CEP112: variants seen among roughly 807,000 people sequenced by gnomAD.
CEP112 encodes centrosomal protein 112, also known as centrosomal protein of 112 kDa.
CEP112 carries 127 observed loss-of-function variants against 153.0 expected under a neutral mutation model. The observed-to-expected ratio is 0.83, with a 90% confidence interval of 0.72 to 0.96. The LOEUF (loss-of-function observed/expected upper bound fraction) is 0.96. Ranked by LOEUF, CEP112 falls within the 40% of genes least tolerant of loss-of-function variation. The probability of loss-of-function intolerance (pLI) is 0.00; values close to 1 mark genes in which losing one functional copy is unlikely to be tolerated. For missense variants in CEP112, 1,089 were observed against 1,101.2 expected (o/e 0.99, Z 0.16); for synonymous variants, 358 against 374.4 (o/e 0.96, Z 0.51).
chr17:65,996,189 G>A (rs2063785921), intron 17 of CEP112, among the ~76,000 whole-genome samples: 1 of 150,574 alleles, frequency 6.6e-6, no homozygotes, highest in Admixed American at 6.6e-5. Context: ...TTAAATTCCA[G>A]TGTTTCAAAG....
chr17:66,113,293 A>G (rs1442276411), intron 6 of CEP112, among the ~76,000 whole-genome samples: 1 of 152,138 alleles, frequency 6.6e-6, no homozygotes, highest in African/African-American at 2.4e-5. Context: ...TATTTTTGGA[A>G]TGTTGCAGGG....
At chr17:66,062,034 G>C (rs1274812652) in intron 11 of CEP112, among the ~76,000 whole-genome samples, 2 of 152,112 alleles carry the variant, frequency 1.3e-5, no homozygotes, top group African/African-American at 4.8e-5. Context: ...AGTTCCTCCT[G>C]TGTTCATTCT....
At chr17:65,781,831 C>A (rs7224482) in intron 21 of CEP112, among the ~76,000 whole-genome samples, 80,335 of 151,974 alleles carry the variant, frequency 0.53, 23,070 homozygotes, top group Non-Finnish European at 0.66. Context: ...AAATGGATCC[C>A]TTTTACCATA....
chr17:65,925,779 C>A (rs1024729565), intron 19 of CEP112, among the ~76,000 whole-genome samples: 7 of 151,744 alleles, frequency 4.6e-5, no homozygotes, highest in Non-Finnish European at 1.0e-4. Flanking sequence ...TAGAAGACAG[C>A]AAATGCTCAA....
rs184134236 is a variant in CEP112 at position 66,083,853 on chromosome 17, A to G, written c.768+12398T>C. Among the ~76,000 whole-genome samples the G allele has an allele frequency of 5.0e-3, 756 of 152,312 alleles. 8 individuals are homozygous for G. Among genetic ancestry groups the G allele is most frequent in the African/African-American group, 0.017 (722 of 41,562 alleles). On this transcript the variant is annotated intron_variant, in intron 8 of 26. Coordinates refer to ENST00000535342, the MANE Select transcript of CEP112 (RefSeq NM_001199165.4). ...AGCCTGGGTGACTGAGCGAGACTCCATGTCCAAAGACAAAACAACAAAAAA... is the reference window on the plus strand; with the variant it reads ...AGCCTGGGTGACTGAGCGAGACTCCGTGTCCAAAGACAAAACAACAAAAAA...
Position 65,653,694 on chromosome 17 carries a change from G to C in CEP112, c.2698-12629C>G, listed in dbSNP as rs559543041. Among the ~76,000 whole-genome samples the C allele has an allele frequency of 2.0e-5, 3 of 152,320 alleles. No individual in the cohort carries two copies. The East Asian group carries it at 5.8e-4, about 29-fold the overall frequency. ...AAACAGGAATGTGGAGGATGTTTCT[G>C]AGGGATGGGCCTTTATGCAGCCAAA... On this transcript the variant is annotated intron_variant, in intron 24 of 26. Transcript: ENST00000535342.
chr17:66,024,926 T>C (rs1011143015), intron 16 of CEP112, among the ~76,000 whole-genome samples: 2 of 152,084 alleles, frequency 1.3e-5, no homozygotes, highest in Non-Finnish European at 2.9e-5. Context: ...TAAAACAGCA[T>C]GGAACTGGCA....
At chr17:66,037,862 A>G (rs2065802470) in intron 12 of CEP112, among the ~76,000 whole-genome samples, 1 of 152,134 alleles carries the variant, frequency 6.6e-6, no homozygotes, top group Non-Finnish European at 1.5e-5. Flanking sequence ...AATTCTTCAG[A>G]AAATAACTCA....
At chr17:65,776,930 A>G (rs2053713460) in intron 21 of CEP112, among the ~76,000 whole-genome samples, 1 of 152,206 alleles carries the variant, frequency 6.6e-6, no homozygotes, top group Non-Finnish European at 1.5e-5. Flanking sequence ...ATAGTTTCTT[A>G]TTTTAATTTG....
chr17:65,934,978 A>G (rs1306221588), intron 18 of CEP112, among the ~76,000 whole-genome samples: 2 of 152,224 alleles, frequency 1.3e-5, no homozygotes, highest in African/African-American at 4.8e-5. Flanking sequence ...TTATAAAACC[A>G]TCAGCTCTCA....
chr17:65,983,305 A>G (rs1225987046), intron 17 of CEP112, among the ~76,000 whole-genome samples: 4 of 152,230 alleles, frequency 2.6e-5, no homozygotes, highest in Non-Finnish European at 5.9e-5. Context: ...GGGGCCAACT[A>G]ACAAAAATGA....
intron 24 of CEP112, among the ~76,000 whole-genome samples, chr17:65,679,171 T>C (rs1054221716): frequency 7.8e-4 from 82 of 105,272 alleles, no homozygotes; most frequent in Middle Eastern, 5.3e-3. Context: ...TTTTTTTTTT[T>C]CAGAAAACAG....
intron 4 of CEP112, among the ~76,000 whole-genome samples, chr17:66,133,027 A>C (rs1164773933): frequency 6.6e-6 from 1 of 152,030 alleles, no homozygotes; most frequent in Non-Finnish European, 1.5e-5. Flanking sequence ...AGACAGTGCG[A>C]GACTCATCTC....
intron 24 of CEP112, among the ~76,000 whole-genome samples, chr17:65,665,867 G>GT (rs1254085001): frequency 6.6e-6 from 1 of 152,142 alleles, no homozygotes; most frequent in Non-Finnish European, 1.5e-5. Context: ...GGCCCCAGCA[G>GT]TCCCCCAGCA....
intron 16 of CEP112, among the ~76,000 whole-genome samples, chr17:66,007,609 T>G (rs1334449130): frequency 6.6e-6 from 1 of 152,116 alleles, no homozygotes; most frequent in Non-Finnish European, 1.5e-5. Context: ...AATTCAGATA[T>G]GACCTAATAC....
intron 23 of CEP112, among the ~76,000 whole-genome samples, chr17:65,695,050 G>C (rs1418587111): frequency 6.6e-6 from 1 of 152,132 alleles, no homozygotes; most frequent in Admixed American, 6.6e-5. Flanking sequence ...AATTAAATCT[G>C]CCTTTAAATA....
chr17:66,049,327 C>CAT (rs955489962), intron 12 of CEP112, among the ~76,000 whole-genome samples: 13 of 152,130 alleles, frequency 8.5e-5, no homozygotes, highest in African/African-American at 3.1e-4. Flanking sequence ...GCAGTACTTG[C>CAT]ATATATATAA....
At chr17:65,757,390 G>C (rs964570027) in intron 21 of CEP112, among the ~76,000 whole-genome samples, 4 of 152,138 alleles carry the variant, frequency 2.6e-5, no homozygotes, top group African/African-American at 9.7e-5. Flanking sequence ...AGCTGAGCAT[G>C]AGGATGGTAG....
intron 24 of CEP112, among the ~76,000 whole-genome samples, chr17:65,659,049 C>T (rs2046215185): frequency 7.1e-6 from 1 of 140,876 alleles, no homozygotes; most frequent in African/African-American, 2.7e-5. Flanking sequence ...AAATATCAGA[C>T]CATTTCTATC....
Sources: allele counts gnomAD v4.1 joint callset (sites outside exome capture counted in the v4.1 genomes callset), GRCh38; gene constraint gnomAD v4.1.1; transcripts MANE v1.5; gene names NCBI Gene and HGNC (gene_info 2026-07-23, HGNC 2026-07-21).